The following RERE variants were observed in gnomAD, a reference collection of about 807,000 sequenced individuals.
The protein encoded by RERE is arginine-glutamic acid dipeptide repeats protein.
Under a neutral mutation model 146.1 loss-of-function variants are expected in RERE, and 40 were observed. The ratio of observed to expected loss-of-function variants is 0.27; its 90% CI spans 0.21 to 0.36. The LOEUF is 0.36. RERE is among the 10% of genes least tolerant of loss of function. The pLI is 1.00. For synonymous variants in RERE, 1,003 were observed against 866.0 expected, an observed-to-expected ratio of 1.16 and a Z score of -2.78; for missense variants, 1,933 against 2,138.7, an observed-to-expected ratio of 0.90 and a Z score of 1.90.
Position 8,466,018 on chromosome 1 carries a change from A to T in RERE, c.1110T>A (p.His370Gln). ...DTTLNALNTL[H>Q]ESGYDAGKAL... is the part of the protein sequence containing the mutation. ...CTTTGCCAGCATCGTAACCGCTTTC[A>T]TGCAGCTAAAACAACAACAATTATA... Residue 370 changes from histidine to glutamine, a missense_variant, in exon 11 of 23, where the codon CAT becomes CAA. This residue lies in a region of RERE where 260 missense variants were observed against 378.4 expected (regional missense o/e 0.69). Coordinates refer to ENST00000400908, the MANE Select transcript of RERE (RefSeq NM_001042681.2). The T allele has an allele frequency of 1.2e-6, 2 of 1,608,502 alleles. No homozygotes were observed. The highest frequency in any genetic ancestry group is 1.7e-6 in the Non-Finnish European group (2 of 1,175,558).
At chr1:8,728,672 A>C (rs976873511) in intron 1 of RERE, among the ~76,000 whole-genome samples, 2 of 152,190 alleles carry the variant, frequency 1.3e-5, no homozygotes, top group East Asian at 3.8e-4. Context: ...ATCCCTCAAA[A>C]AAGAAACTAA....
At chr1:8,527,632 C>A (rs1645585244) in intron 7 of RERE, among the ~76,000 whole-genome samples, 1 of 152,178 alleles carries the variant, frequency 6.6e-6, no homozygotes, top group African/African-American at 2.4e-5. Flanking sequence ...ATTAGATGCC[C>A]TGAGTTACCA....
chr1:8,430,324 T>C (rs559342467), intron 11 of RERE, among the ~76,000 whole-genome samples: 2 of 152,304 alleles, frequency 1.3e-5, no homozygotes, highest in South Asian at 4.1e-4. Context: ...ATGAGGGGCA[T>C]TTCCAAAATT....
At chr1:8,519,339 AGAGGATCACTT>A (rs1252379230) in intron 7 of RERE, among the ~76,000 whole-genome samples, 2 of 152,102 alleles carry the variant, frequency 1.3e-5, no homozygotes, top group East Asian at 1.9e-4. Flanking sequence ...GGCTGACACA[AGAGGATCACTT>A]GAGCCCAGGA....
At chr1:8,760,318 C>T (rs1448437513) in intron 1 of RERE, among the ~76,000 whole-genome samples, 5 of 152,226 alleles carry the variant, frequency 3.3e-5, no homozygotes, top group East Asian at 1.9e-4. Flanking sequence ...TAAGCCACTG[C>T]GCCCAGCCCC....
intron 11 of RERE, among the ~76,000 whole-genome samples, chr1:8,428,230 T>A (rs1031470000): frequency 2.0e-5 from 3 of 152,170 alleles, no homozygotes; most frequent in Admixed American, 1.3e-4. Context: ...CTGTTTATGC[T>A]CCCCAGCTCA....
intron 1 of RERE, among the ~76,000 whole-genome samples, chr1:8,722,945 C>T (rs543835215): frequency 2.6e-5 from 4 of 152,254 alleles, no homozygotes; most frequent in African/African-American, 9.6e-5. Flanking sequence ...AGGCTCTATA[C>T]CTCAAAATAA....
Position 8,656,187 on chromosome 1 carries a change from T to C in RERE, c.111A>G (p.Pro37=). ...CTCCTTCCAAGGTACAGCTCCGGCGTGGCCTTGAATTCTCACTCTCTCTTG... is the reference window on the plus strand; with the variant it reads ...CTCCTTCCAAGGTACAGCTCCGGCGCGGCCTTGAATTCTCACTCTCTCTTG... The part of the protein sequence containing the change: ...DKARESENSR[P]RRSCTLEGGA... Residue 37 remains proline, a synonymous_variant, in exon 2 of 23, where the codon CCA becomes CCG. Coordinates refer to ENST00000400908, the MANE Select transcript of RERE (RefSeq NM_001042681.2). 5 of 1,613,798 alleles carry C rather than the reference T, an allele frequency of 3.1e-6. No individual in the cohort carries two copies. The highest frequency in any genetic ancestry group is 4.2e-6 in the Non-Finnish European group (5 of 1,179,668).
At chr1:8,630,814 C>T (rs1647026366) in intron 2 of RERE, among the ~76,000 whole-genome samples, 1 of 152,180 alleles carries the variant, frequency 6.6e-6, no homozygotes, top group African/African-American at 2.4e-5. Flanking sequence ...ATGAAGCCTT[C>T]CCAGTCCTTA....
At chr1:8,451,078 C>T (rs1644384674) in intron 11 of RERE, among the ~76,000 whole-genome samples, 1 of 152,182 alleles carries the variant, frequency 6.6e-6, no homozygotes, top group African/African-American at 2.4e-5. Context: ...GTACTGGTTC[C>T]CCATGTTCTC....
intron 4 of RERE, among the ~76,000 whole-genome samples, chr1:8,563,796 T>TGGC (rs1557688394): frequency 1.3e-5 from 2 of 152,222 alleles, no homozygotes; most frequent in African/African-American, 4.8e-5. Context: ...CTAACATGTG[T>TGGC]ATACTGTATG....
intron 1 of RERE, among the ~76,000 whole-genome samples, chr1:8,734,798 C>T (rs1640159810): frequency 6.6e-6 from 1 of 152,162 alleles, no homozygotes; most frequent in South Asian, 2.1e-4. Context: ...TTCAAACTCA[C>T]CAACACTGTT....
chr1:8,624,394 A>G lies in RERE; in HGVS notation c.326-14T>C, dbSNP rs1294343923. On this transcript the variant is annotated splice_polypyrimidine_tract_variant and intron_variant, in intron 2 of 22. Coordinates refer to ENST00000400908, the MANE Select transcript of RERE (RefSeq NM_001042681.2). ...TATACACACAGTCTTTAAAAGAAAA[A>G]GAAATTTTAAAACAATGGCATTTAC... The G allele has an allele frequency of 1.3e-6, 2 of 1,586,640 alleles. No homozygotes were observed.
rs774597798 is a variant in RERE at position 8,499,461 on chromosome 1, GA to G, written c.880-1933del. Among the ~76,000 whole-genome samples, 148 of 152,248 alleles carry G rather than the reference GA, an allele frequency of 9.7e-4. 1 individual carries two copies. Among genetic ancestry groups the G allele is most frequent in the Non-Finnish European group, 1.5e-3 (99 of 68,024 alleles). On this transcript the variant is annotated intron_variant, in intron 8 of 22. Coordinates refer to ENST00000400908, the MANE Select transcript of RERE (RefSeq NM_001042681.2). ...AGTGGACCACGGGGAAATGGAGATA[GA>G]ACCGCCCCATCCAGGGAATGCTGCC... is the stretch of plus-strand genomic sequence containing the variant.
intron 2 of RERE, among the ~76,000 whole-genome samples, chr1:8,629,253 T>G (rs1647008241): frequency 6.6e-6 from 1 of 152,174 alleles, no homozygotes; most frequent in South Asian, 2.1e-4. Flanking sequence ...CCTACTCTCT[T>G]AACACCTAAC....
At chr1:8,632,646 C>T (rs1647048406) in intron 2 of RERE, among the ~76,000 whole-genome samples, 1 of 152,184 alleles carries the variant, frequency 6.6e-6, no homozygotes, top group Non-Finnish European at 1.5e-5. Flanking sequence ...CTGCAGTTCT[C>T]AGTTTTGTAA....
chr1:8,520,754 T>TCA (rs1557670056), intron 7 of RERE, among the ~76,000 whole-genome samples: 1 of 92,976 alleles, frequency 1.1e-5, no homozygotes, highest in Non-Finnish European at 1.9e-5. Context: ...AAAAACTTTT[T>TCA]AAAAAAAAAA....
intron 2 of RERE, among the ~76,000 whole-genome samples, chr1:8,636,218 C>A (rs999903346): frequency 2.0e-5 from 3 of 152,174 alleles, no homozygotes; most frequent in African/African-American, 7.2e-5. Flanking sequence ...GAACTCCCAA[C>A]CTCAGGTGAT....
intron 11 of RERE, among the ~76,000 whole-genome samples, chr1:8,446,628 G>A (rs1557636491): frequency 6.6e-6 from 1 of 152,118 alleles, no homozygotes; most frequent in Non-Finnish European, 1.5e-5. Context: ...CCAATCAAAC[G>A]TAGGTTTGGT....
Sources: gnomAD v4.1 joint callset for allele counts (sites outside exome capture counted in the v4.1 genomes callset) on GRCh38, gnomAD v4.1.1 for gene constraint, gnomAD v4.1.1 regional missense constraint, MANE v1.5 for transcripts, NCBI Gene and HGNC (gene_info 2026-07-23, HGNC 2026-07-21) for gene names.